SCTR: variants seen among roughly 807,000 people sequenced by gnomAD.
SCTR encodes the protein pancreatic secretin receptor.
SCTR carries 56 observed loss-of-function variants against 60.8 expected under a neutral mutation model. The observed-to-expected ratio is 0.92, with a 90% CI of 0.74 to 1.15. The LOEUF is 1.15. Among genes scored for constraint, SCTR ranks in the 50% most tolerant of loss-of-function variants. The probability of loss-of-function intolerance (pLI) is 0.00; values close to 1 mark genes in which losing one functional copy is unlikely to be tolerated. For missense variants in SCTR, 562 were observed against 550.4 expected, an observed-to-expected ratio of 1.02 and a Z score of -0.21; for synonymous variants, 202 against 217.0, an observed-to-expected ratio of 0.93 and a Z score of 0.61.
intron 5 of SCTR, 37 bp from the exon 6 acceptor site, chr2:119,464,292 C>G: frequency 6.2e-7 from 1 of 1,613,010 alleles, no homozygotes; most frequent in South Asian, 1.1e-5. Flanking sequence ...GAGGCCAGAG[C>G]CTGAGGGGCT....
chr2:119,519,879 G>C (rs565190564), intron 1 of SCTR, among the ~76,000 whole-genome samples: 155 of 120,730 alleles, frequency 1.3e-3, no homozygotes, highest in Non-Finnish European at 2.5e-3. Context: ...AAACAAAAAA[G>C]AAGTTCCAGG....
chr2:119,502,398 A>G (rs1344131935), intron 1 of SCTR, among the ~76,000 whole-genome samples: 1 of 152,276 alleles, frequency 6.6e-6, no homozygotes, highest in Non-Finnish European at 1.5e-5. Flanking sequence ...ATGAAGAGAC[A>G]TACCATGTTC....
Position 119,446,854 on chromosome 2 carries a change from G to C in SCTR, c.1045C>G (p.Pro349Ala). Residue 349 changes from proline to alanine, a missense_variant, in exon 11 of 13, where the codon CCC (proline) becomes GCC (alanine). Transcript: ENST00000019103. ...RLARSTLLLI[P>A]LFGIHYIVFA... is the part of the protein sequence containing the mutation. ...ACGATGTAGTGGATGCCAAAGAGGG[G>C]GATCAGCAGGAGAGTGGACCTGGCC... is the stretch of plus-strand genomic sequence containing the variant. 6.3e-7 allele frequency: 1 copy of C among 1,574,978 alleles called. No individual in the cohort carries two copies. The highest frequency in any genetic ancestry group is 1.2e-5 in the South Asian group (1 of 84,960).
intron 7 of SCTR, among the ~76,000 whole-genome samples, 157 bp from the exon 8 acceptor site, chr2:119,453,504 G>A (rs1683253754): frequency 6.6e-6 from 1 of 152,240 alleles, no homozygotes; most frequent in Admixed American, 6.5e-5. Context: ...GCCATCTTGT[G>A]TGAATGTGGC....
chr2:119,496,248 G>A (rs535628181), intron 1 of SCTR, among the ~76,000 whole-genome samples: 35 of 152,336 alleles, frequency 2.3e-4, no homozygotes, highest in Middle Eastern at 6.8e-3. Context: ...AAATTAACAT[G>A]ACTCTCAACA....
At chr2:119,479,498 G>T (rs1677500624) in intron 2 of SCTR, 1 of 155,180 alleles carries the variant, frequency 6.4e-6, no homozygotes, top group African/African-American at 2.4e-5. Flanking sequence ...GAGTCACCCA[G>T]AGGGATTATT....
At chr2:119,448,451 A>T (rs958521739) in intron 10 of SCTR, among the ~76,000 whole-genome samples, 1 of 152,226 alleles carries the variant, frequency 6.6e-6, no homozygotes, top group South Asian at 2.1e-4. Context: ...CAAGGATAAG[A>T]TCTCTCTGCC....
chr2:119,463,842 A>G (rs2104804840), intron 6 of SCTR, among the ~76,000 whole-genome samples: 1 of 151,890 alleles, frequency 6.6e-6, no homozygotes, highest in Non-Finnish European at 1.5e-5. Flanking sequence ...GAGTCTCCCT[A>G]TATATCTAAT....
intron 2 of SCTR, among the ~76,000 whole-genome samples, chr2:119,482,976 A>G (rs966270587): frequency 6.6e-6 from 1 of 152,222 alleles, no homozygotes; most frequent in African/African-American, 2.4e-5. Context: ...CAGCTGGGGC[A>G]TTTCCAGAGC....
intron 2 of SCTR, chr2:119,479,307 G>A (rs938508930): frequency 1.0e-6 from 1 of 996,408 alleles, no homozygotes; most frequent in Non-Finnish European, 1.2e-6. Context: ...TAGCTTCATG[G>A]TACGACTACC....
At chr2:119,489,351 T>C (rs1444133859) in intron 2 of SCTR, among the ~76,000 whole-genome samples, 3 of 152,178 alleles carry the variant, frequency 2.0e-5, no homozygotes, top group Admixed American at 2.0e-4. Context: ...AGCTGTCTTT[T>C]GTTTTATCCT....
chr2:119,440,664 C>T (rs1324925877), intron 12 of SCTR, among the ~76,000 whole-genome samples: 1 of 152,148 alleles, frequency 6.6e-6, no homozygotes, highest in Non-Finnish European at 1.5e-5. Context: ...AGAGGGCCAG[C>T]TTAGAGGAGG....
chr2:119,499,146 TA>T lies in SCTR; in HGVS notation c.73-4599del, dbSNP rs527777323. On this transcript the variant is annotated intron_variant, in intron 1 of 12. Transcript: ENST00000019103. ...AACAGAAAGACACATTACATAATGA[TA>T]AAAAAAGGCAAGCTATCAAAAAATA... 2.1e-3 allele frequency among the ~76,000 whole-genome samples: 326 copies of T among 151,882 alleles called. 1 individual carries two copies. The highest frequency in any genetic ancestry group is 3.7e-3 in the Non-Finnish European group (248 of 67,806).
chr2:119,506,452 T>C (rs1678741806), intron 1 of SCTR, among the ~76,000 whole-genome samples: 1 of 150,778 alleles, frequency 6.6e-6, no homozygotes, highest in South Asian at 2.1e-4. Flanking sequence ...TGTATAGCAT[T>C]CCTTATTTTA....
rs1305575008 is a variant in SCTR at position 119,453,312 on chromosome 2, C to A, written c.826G>T (p.Ala276Ser). ...PAIFVALWAIARHFLEDVGCW... is the reference protein window; with the variant it reads ...PAIFVALWAISRHFLEDVGCW... ...CCAACATCTTCCAGAAAGTGTCTGG[C>A]AATAGCCCACAAAGCAACAAAAATG... is the stretch of plus-strand genomic sequence containing the variant. Residue 276 changes from alanine to serine, a missense_variant, in exon 8 of 13, where the codon GCC becomes TCC. Ala to Ser is a moderately conservative substitution (Grantham distance 99, BLOSUM62 1). Transcript: ENST00000019103. 1 of 1,613,734 alleles carries A rather than the reference C, an allele frequency of 6.2e-7. No individual in the cohort carries two copies.
chr2:119,476,887 T>C (rs917559699), intron 3 of SCTR: 3 of 152,130 alleles, frequency 2.0e-5, no homozygotes, highest in African/African-American at 7.2e-5. Flanking sequence ...ACATCTGGAC[T>C]AATCTCCTGT....
Position 119,440,014 on chromosome 2 carries a change from G to A in SCTR, c.*103C>T. The A allele has an allele frequency of 8.0e-7, 1 of 1,246,658 alleles. No homozygotes were observed. The allele number at this position is 1,246,658 out of a possible 1,614,324, so 77.2% of individuals were successfully genotyped here. A position where few individuals can be genotyped will look rare whatever the true frequency, so the allele number is the denominator to read the frequency against. Reference sequence around the variant, plus strand: ...GGGAGGGGCATCTTCAGCTGAAGGAGGACACAGGGTGTCTGCTGGGAAGAC... The same window carrying A: ...GGGAGGGGCATCTTCAGCTGAAGGAAGACACAGGGTGTCTGCTGGGAAGAC... On this transcript the variant is annotated 3_prime_UTR_variant, in exon 13 of 13. Coordinates refer to ENST00000019103, the MANE Select transcript of SCTR (RefSeq NM_002980.3).
In SCTR at chr2:119,499,657, G is replaced by T. The variant is rs572880513; in HGVS notation, c.73-5109C>A. Among the ~76,000 whole-genome samples the T allele has an allele frequency of 5.9e-5, 9 of 152,058 alleles. No homozygotes were observed. In the East Asian group the frequency reaches 1.3e-3, roughly 23 times the overall value. On this transcript the variant is annotated intron_variant, in intron 1 of 12. Coordinates refer to ENST00000019103, the MANE Select transcript of SCTR (RefSeq NM_002980.3). Reference sequence around the variant, plus strand: ...TGAAAATGAATCAATGTAATTTATCGTATTAACAGCTGAAGAAAAATCACA... The same window carrying T: ...TGAAAATGAATCAATGTAATTTATCTTATTAACAGCTGAAGAAAAATCACA...
intron 4 of SCTR, among the ~76,000 whole-genome samples, chr2:119,472,639 A>AT (rs989582628): frequency 2.5e-4 from 37 of 146,972 alleles, no homozygotes; most frequent in African/African-American, 4.0e-4. Context: ...TGCTGTAAAC[A>AT]TTTTTTTTTT....
Sources: gnomAD v4.1 joint callset for allele counts (sites outside exome capture counted in the v4.1 genomes callset) on GRCh38, gnomAD v4.1.1 for gene constraint, MANE v1.5 for transcripts, NCBI Gene and HGNC (gene_info 2026-07-23, HGNC 2026-07-21) for gene names.